Variants in FRMD3 observed in about 807,000 individuals in gnomAD.
FRMD3 encodes the protein FERM domain containing 3.
Under a neutral mutation model 70.2 loss-of-function variants are expected in FRMD3, and 33 were observed. The ratio of observed to expected loss-of-function variants is 0.47; its 90% CI spans 0.36 to 0.63. The LOEUF (loss-of-function observed/expected upper bound fraction) is 0.63, where lower values mean the gene tolerates loss of function less well. Ranked by LOEUF, FRMD3 falls within the 20% of genes least tolerant of loss-of-function variation. The pLI, the probability that FRMD3 is intolerant of heterozygous loss-of-function variation, is 0.00. For synonymous variants in FRMD3, 279 were observed against 255.9 expected, an observed-to-expected ratio of 1.09 and a Z score of -0.86; for missense variants, 632 against 711.4, an observed-to-expected ratio of 0.89 and a Z score of 1.27.
At chr9:83,267,225 T>C in intron 13 of FRMD3, 1 of 1,532,740 alleles carries the variant, frequency 6.5e-7, no homozygotes, top group Non-Finnish European at 8.8e-7. Context: ...TTAAAGGACC[T>C]AGGCAGGACC....
chr9:83,291,965 GA>G (rs1195066563), intron 12 of FRMD3, among the ~76,000 whole-genome samples: 1 of 152,126 alleles, frequency 6.6e-6, no homozygotes, highest in Non-Finnish European at 1.5e-5. Flanking sequence ...GGCTAGAAAG[GA>G]AATTTATGAG....
intron 4 of FRMD3, among the ~76,000 whole-genome samples, chr9:83,343,543 C>T (rs190787477): frequency 4.6e-5 from 7 of 152,176 alleles, no homozygotes; most frequent in East Asian, 1.9e-4. Flanking sequence ...CAAAGAGGCA[C>T]GAGAAGAAAT....
At chr9:83,274,347 A>G (rs1428701582) in intron 13 of FRMD3, among the ~76,000 whole-genome samples, 1 of 151,880 alleles carries the variant, frequency 6.6e-6, no homozygotes, top group Non-Finnish European at 1.5e-5. Flanking sequence ...CCCCAAGGGC[A>G]GGGCACCACT....
chr9:83,346,255 CAAAAAAAAAA>C (rs56163115), intron 4 of FRMD3, among the ~76,000 whole-genome samples: 21 of 62,146 alleles, frequency 3.4e-4, no homozygotes, highest in Non-Finnish European at 4.1e-4. Flanking sequence ...GACGCCATCT[CAAAAAAAAAA>C]AAAAAAAAAA....
At chr9:83,568,063 T>G in the FRMD3 span, among the ~76,000 whole-genome samples, 15 of 152,220 alleles carry the variant, frequency 9.9e-5, no homozygotes, top group Admixed American at 9.2e-4. Context: ...TTAATTGGAC[T>G]TACAGTTCCA....
the FRMD3 span, among the ~76,000 whole-genome samples, chr9:83,570,677 G>C: frequency 6.6e-6 from 1 of 152,124 alleles, no homozygotes; most frequent in Admixed American, 6.5e-5. Context: ...CTTTAACTCT[G>C]AGAGTATTGA....
At chr9:83,575,836 A>G in the FRMD3 span, among the ~76,000 whole-genome samples, 2 of 152,170 alleles carry the variant, frequency 1.3e-5, no homozygotes, top group Non-Finnish European at 2.9e-5. Context: ...AGGAAGAATT[A>G]ATACCAATTT....
At chr9:83,533,937 G>A (rs1829839938) in intron 1 of FRMD3, among the ~76,000 whole-genome samples, 1 of 152,136 alleles carries the variant, frequency 6.6e-6, no homozygotes, top group African/African-American at 2.4e-5. Flanking sequence ...AAAAAAGTCA[G>A]TATTAAAAAT....
intron 13 of FRMD3, among the ~76,000 whole-genome samples, chr9:83,249,488 T>C (rs1177727227): frequency 6.6e-6 from 1 of 152,156 alleles, no homozygotes; most frequent in Admixed American, 6.5e-5. Flanking sequence ...GGCAGCCAGG[T>C]GCATTTCGGG....
At chr9:83,455,521 T>G (rs180916731) in intron 1 of FRMD3, among the ~76,000 whole-genome samples, 17 of 152,320 alleles carry the variant, frequency 1.1e-4, no homozygotes, top group East Asian at 7.7e-4. Context: ...ATGTAAGAAG[T>G]GCCTTTTGCC....
intron 6 of FRMD3, chr9:83,331,894 G>A (rs1823388387): frequency 1.4e-6 from 1 of 717,312 alleles, no homozygotes; most frequent in East Asian, 2.7e-5. Context: ...TCCTGGGTAA[G>A]ATCTTGGGAT....
intron 1 of FRMD3, among the ~76,000 whole-genome samples, chr9:83,445,426 G>A (rs1186197360): frequency 6.6e-6 from 1 of 152,144 alleles, no homozygotes; most frequent in African/African-American, 2.4e-5. Context: ...CACACCAGAG[G>A]CATGCCATCC....
At chr9:83,277,387 T>C (rs1027863036) in intron 13 of FRMD3, among the ~76,000 whole-genome samples, 1 of 152,160 alleles carries the variant, frequency 6.6e-6, no homozygotes, top group East Asian at 1.9e-4. Context: ...TTTTAAGAGA[T>C]GGAGTCTCAC....
At chr9:83,384,370 T>A (rs945434391) in intron 2 of FRMD3, among the ~76,000 whole-genome samples, 4 of 152,164 alleles carry the variant, frequency 2.6e-5, no homozygotes, top group African/African-American at 9.7e-5. Flanking sequence ...CAGGAGCAGC[T>A]GGTGGGACAT....
At chr9:83,410,796 A>G (rs28399912) in intron 1 of FRMD3, among the ~76,000 whole-genome samples, 6,439 of 152,290 alleles carry the variant, frequency 0.042, 475 homozygotes, top group African/African-American at 0.15. Flanking sequence ...TTTTCTCTGC[A>G]GCCTCACCAG....
rs955122726 is a variant in FRMD3, at chr9:83,467,559, G to A, written c.147+70526C>T. 5.1e-6 allele frequency: 5 copies of A among 987,902 alleles called. No individual in the cohort carries two copies. The East Asian group carries it at 1.3e-4, about 26-fold the overall frequency. The allele number at this position is 987,902 out of a possible 1,614,324, so 61.2% of individuals were successfully genotyped here. ...AACATTGCATAGTAACTCATGACAT[G>A]CATTATGTTAAATAAAAGCGTACCT... On this transcript the variant is annotated intron_variant, in intron 1 of 13. Transcript: ENST00000304195.
chr9:83,409,636 G>A (rs1490317291), intron 1 of FRMD3, among the ~76,000 whole-genome samples: 1 of 152,252 alleles, frequency 6.6e-6, no homozygotes, highest in Admixed American at 6.5e-5. Context: ...CACATATTAT[G>A]TGCCAGACAC....
intron 6 of FRMD3, among the ~76,000 whole-genome samples, chr9:83,315,626 G>T (rs1052063876): frequency 2.0e-5 from 3 of 152,040 alleles, no homozygotes; most frequent in African/African-American, 7.2e-5. Context: ...CTTCCACCAC[G>T]TTTGTAAGTT....
intron 13 of FRMD3, among the ~76,000 whole-genome samples, chr9:83,277,953 T>G (rs1280998110): frequency 6.6e-6 from 1 of 152,128 alleles, no homozygotes; most frequent in Non-Finnish European, 1.5e-5. Context: ...GGGAAGGCAG[T>G]CAACAAACAG....
Sources: allele counts gnomAD v4.1 joint callset (sites outside exome capture counted in the v4.1 genomes callset), GRCh38; gene constraint gnomAD v4.1.1; transcripts MANE v1.5; gene names NCBI Gene and HGNC (gene_info 2026-07-23, HGNC 2026-07-21).